The following NWD2 variants were observed in gnomAD, a reference collection of about 807,000 sequenced individuals.
The protein encoded by NWD2 is NACHT and WD repeat domain containing 2.
NWD2 carries 37 observed loss-of-function variants against 132.7 expected under a neutral mutation model. That is an observed-to-expected ratio of 0.28 (90% CI 0.21 to 0.37). NWD2 has a LOEUF of 0.37. Among genes scored for constraint, NWD2 ranks in the 10% least tolerant of loss-of-function variants. NWD2 has a pLI of 1.00. For synonymous variants in NWD2, 705 were observed against 803.0 expected (o/e 0.88, Z 2.06); for missense variants, 1,592 against 2,122.4 (o/e 0.75, Z 4.91).
At chr4:37,274,399 A>T (rs1717944481) in intron 1 of NWD2, among the ~76,000 whole-genome samples, 1 of 152,184 alleles carries the variant, frequency 6.6e-6, no homozygotes, top group Non-Finnish European at 1.5e-5. Context: ...TGAATCTCTG[A>T]ATAGACCAAT....
chr4:37,412,775 A>G (rs1422094994), intron 3 of NWD2, among the ~76,000 whole-genome samples: 1 of 152,250 alleles, frequency 6.6e-6, no homozygotes, highest in African/African-American at 2.4e-5. Flanking sequence ...ACTGTTACCA[A>G]AACAGATATA....
At chr4:37,305,349 A>G (rs1718690833) in intron 1 of NWD2, among the ~76,000 whole-genome samples, 1 of 152,182 alleles carries the variant, frequency 6.6e-6, no homozygotes, top group Admixed American at 6.5e-5. Flanking sequence ...ATTAACATTC[A>G]GCTCCTTTTT....
chr4:37,329,401 C>A (rs1399012151), intron 2 of NWD2, among the ~76,000 whole-genome samples: 1 of 152,032 alleles, frequency 6.6e-6, no homozygotes, highest in African/African-American at 2.4e-5. Context: ...TAGGGCATGC[C>A]AGGTAGTCAG....
chr4:37,419,967 T>C (rs1043592170), intron 3 of NWD2, among the ~76,000 whole-genome samples: 1 of 152,204 alleles, frequency 6.6e-6, no homozygotes, highest in African/African-American at 2.4e-5. Flanking sequence ...TTATACTCAT[T>C]TTTATTGGCA....
chr4:37,428,098 G>A (rs568062843), intron 3 of NWD2, among the ~76,000 whole-genome samples: 134 of 152,348 alleles, frequency 8.8e-4, no homozygotes, highest in African/African-American at 3.1e-3. Flanking sequence ...CCCTCAGAGA[G>A]CTTACCATTG....
chr4:37,335,007 C>T (rs74695607), intron 2 of NWD2, among the ~76,000 whole-genome samples: 3,373 of 152,088 alleles, frequency 0.022, 128 homozygotes, highest in African/African-American at 0.077. Flanking sequence ...CTGCCTTTTC[C>T]TCCCTAATAC....
chr4:37,381,617 C>T (rs1182161478), intron 3 of NWD2, among the ~76,000 whole-genome samples: 1 of 152,200 alleles, frequency 6.6e-6, no homozygotes, highest in Admixed American at 6.5e-5. Flanking sequence ...GACAGAAATA[C>T]ACAATTATGA....
At chr4:37,437,740 T>C (rs1403239571) in intron 5 of NWD2, among the ~76,000 whole-genome samples, 2 of 152,204 alleles carry the variant, frequency 1.3e-5, no homozygotes, top group African/African-American at 2.4e-5. Flanking sequence ...GATGTTTTCA[T>C]TACTACTGAC....
chr4:37,383,096 A>G (rs1208498105), intron 3 of NWD2, among the ~76,000 whole-genome samples: 1 of 152,136 alleles, frequency 6.6e-6, no homozygotes, highest in Non-Finnish European at 1.5e-5. Flanking sequence ...ATCTTCCCTC[A>G]GACTTTGATT....
At chr4:37,281,257 G>A (rs1455104623) in intron 1 of NWD2, among the ~76,000 whole-genome samples, 1 of 152,136 alleles carries the variant, frequency 6.6e-6, no homozygotes, top group Non-Finnish European at 1.5e-5. Flanking sequence ...CTACCCAGTG[G>A]GTGTCCTCGT....
chr4:37,327,951 CCATTCT>C (rs1177413961), intron 2 of NWD2, among the ~76,000 whole-genome samples: 1 of 152,084 alleles, frequency 6.6e-6, no homozygotes, highest in Non-Finnish European at 1.5e-5. Flanking sequence ...TTTGCTCATG[CCATTCT>C]CTTCAACTAC....
At chr4:37,370,966 G>A (rs779264368) in intron 3 of NWD2, among the ~76,000 whole-genome samples, 5 of 151,646 alleles carry the variant, frequency 3.3e-5, no homozygotes, top group African/African-American at 4.8e-5. Flanking sequence ...CACACAGACC[G>A]CCACACCTGC....
chr4:37,261,269 C>T (rs955929289), intron 1 of NWD2, among the ~76,000 whole-genome samples: 3 of 152,042 alleles, frequency 2.0e-5, no homozygotes, highest in Non-Finnish European at 4.4e-5. Context: ...CATCTGCTGG[C>T]GGTATCTTTG....
intron 3 of NWD2, among the ~76,000 whole-genome samples, chr4:37,426,420 A>G (rs1029962892): frequency 1.3e-5 from 2 of 152,182 alleles, no homozygotes; most frequent in Non-Finnish European, 2.9e-5. Context: ...TAGGCACTCA[A>G]TATGTATTTG....
chr4:37,293,246 T>C (rs550244932), intron 1 of NWD2, among the ~76,000 whole-genome samples: 1 of 152,326 alleles, frequency 6.6e-6, no homozygotes, highest in African/African-American at 2.4e-5. Flanking sequence ...AAGACTTAAC[T>C]TTTAGCATCA....
chr4:37,353,962 T>A (rs1312184742), intron 2 of NWD2, among the ~76,000 whole-genome samples: 1 of 152,182 alleles, frequency 6.6e-6, no homozygotes. Context: ...TTGCGCTGGT[T>A]TTTTCTCATC....
At chr4:37,363,908 G>T (rs1301054101) in intron 3 of NWD2, among the ~76,000 whole-genome samples, 1 of 152,012 alleles carries the variant, frequency 6.6e-6, no homozygotes, top group East Asian at 1.9e-4. Context: ...TGGATCATGA[G>T]GTCAGGAGTT....
intron 3 of NWD2, among the ~76,000 whole-genome samples, chr4:37,394,065 C>G (rs1312874389): frequency 6.6e-6 from 1 of 152,134 alleles, no homozygotes; most frequent in African/African-American, 2.4e-5. Context: ...TCTCATCTGC[C>G]TAATATTTTC....
In NWD2 at chr4:37,245,054, C is replaced by A; in HGVS notation, c.-14C>A. 6.5e-7 allele frequency: 1 copy of A among 1,543,328 alleles called. No homozygotes were observed. The highest frequency in any genetic ancestry group is 1.2e-5 in the South Asian group (1 of 83,858). On this transcript the variant is annotated 5_prime_UTR_variant, in exon 1 of 7. Coordinates refer to ENST00000309447, the MANE Select transcript of NWD2 (RefSeq NM_001144990.2). ...GGTGGCGGCGGCGGCAGTGGCTGTT[C>A]CTCCCAGAGGGCGATGTGGCCGGCC...
Sources: gnomAD v4.1 joint callset for allele counts (sites outside exome capture counted in the v4.1 genomes callset) on GRCh38, gnomAD v4.1.1 for gene constraint, MANE v1.5 for transcripts, NCBI Gene and HGNC (gene_info 2026-07-23, HGNC 2026-07-21) for gene names.